The following KCNQ3 variants were observed in gnomAD, a reference collection of about 807,000 sequenced individuals.
KCNQ3 encodes the protein potassium voltage-gated channel subfamily Q member 3, also known as potassium voltage-gated channel subfamily KQT member 3.
Under a neutral mutation model 92.5 loss-of-function variants are expected in KCNQ3, and 30 were observed. The observed-to-expected ratio is 0.32, with a 90% CI of 0.24 to 0.44. The LOEUF (loss-of-function observed/expected upper bound fraction) is 0.44. KCNQ3 is among the 20% of genes least tolerant of loss of function. The pLI, the probability that KCNQ3 is intolerant of heterozygous loss-of-function variation, is 1.00. For missense variants in KCNQ3, 913 were observed against 1,140.3 expected (o/e 0.80, Z 2.87); for synonymous variants, 450 against 468.8 (o/e 0.96, Z 0.52).
At position 132,397,981 on chromosome 8, in the gene KCNQ3, T is replaced by C. The variant is rs181236581; in HGVS notation, c.386+82166A>G. Among the ~76,000 whole-genome samples, 26 of 152,326 alleles carry C rather than the reference T, an allele frequency of 1.7e-4. No homozygotes were observed. In the East Asian group the frequency reaches 5.0e-3, roughly 29 times the overall value. The stretch of plus-strand genomic sequence containing the variant: ...TCTAATTTATAAAATATTAACTCCC[T>C]GTGCAAAAGCATACACCTTTCTTTG... On this transcript the variant is annotated intron_variant, in intron 1 of 14. Transcript: ENST00000388996.
intron 1 of KCNQ3, among the ~76,000 whole-genome samples, chr8:132,363,919 T>C (rs1461668933): frequency 6.6e-6 from 1 of 151,912 alleles, no homozygotes; most frequent in African/African-American, 2.4e-5. Flanking sequence ...AAAACTACAA[T>C]CTCTCAACAA....
intron 1 of KCNQ3, among the ~76,000 whole-genome samples, chr8:132,351,960 C>T (rs1818880656): frequency 6.6e-6 from 1 of 152,196 alleles, no homozygotes. Context: ...GCACCCCTCT[C>T]AGCAGGGAAG....
At position 132,203,808 on chromosome 8, in the gene KCNQ3, G is replaced by C. The variant is rs142951751; in HGVS notation, c.387-17627C>G. Among the ~76,000 whole-genome samples, 228 of 152,262 alleles carry C rather than the reference G, an allele frequency of 1.5e-3. 2 individuals carry two copies. Among genetic ancestry groups the C allele is most frequent in the African/African-American group, 5.2e-3 (218 of 41,564 alleles). On this transcript the variant is annotated intron_variant, in intron 1 of 14. Coordinates refer to ENST00000388996, the MANE Select transcript of KCNQ3 (RefSeq NM_004519.4). The stretch of plus-strand genomic sequence containing the variant: ...TAGGGATAATAAAATGTTTAGTCTA[G>C]TGCTTGATAGATTTCAGGGATTATT...
chr8:132,183,875 C>G (rs759118893), intron 3 of KCNQ3, among the ~76,000 whole-genome samples: 26 of 152,228 alleles, frequency 1.7e-4, no homozygotes, highest in Non-Finnish European at 3.5e-4. Context: ...CCCAACCCGT[C>G]TGGAAATGTA....
intron 1 of KCNQ3, among the ~76,000 whole-genome samples, chr8:132,230,060 C>T (rs1814580792): frequency 6.6e-6 from 1 of 152,122 alleles, no homozygotes; most frequent in Non-Finnish European, 1.5e-5. Context: ...CCAGCTTTGT[C>T]AATAACTGTT....
At chr8:132,457,349 C>A (rs566539587) in intron 1 of KCNQ3, among the ~76,000 whole-genome samples, 1 of 152,178 alleles carries the variant, frequency 6.6e-6, no homozygotes, top group Non-Finnish European at 1.5e-5. Flanking sequence ...AGGTTTCTTG[C>A]CTAAGGTAAC....
At chr8:132,306,016 C>T (rs752501271) in intron 1 of KCNQ3, among the ~76,000 whole-genome samples, 2 of 152,100 alleles carry the variant, frequency 1.3e-5, no homozygotes, top group East Asian at 1.9e-4. Flanking sequence ...CTTAGACACA[C>T]GCATGACAGG....
At chr8:132,345,990 GGATGGTGATGATGACAATGATGAT>G (rs1818677438) in intron 1 of KCNQ3, among the ~76,000 whole-genome samples, 2 of 151,612 alleles carry the variant, frequency 1.3e-5, no homozygotes, top group South Asian at 4.2e-4. Context: ...TATTATGATG[GGATGGTGATGATGACAATGATGAT>G]GATGGTGATG....
intron 1 of KCNQ3, among the ~76,000 whole-genome samples, chr8:132,370,149 A>C (rs1819434785): frequency 6.6e-6 from 1 of 152,138 alleles, no homozygotes; most frequent in African/African-American, 2.4e-5. Flanking sequence ...CAGTTTGTCA[A>C]GTTCAAAGAG....
chr8:132,451,894 C>T (rs772493701), intron 1 of KCNQ3, among the ~76,000 whole-genome samples: 2 of 152,134 alleles, frequency 1.3e-5, no homozygotes, highest in South Asian at 2.1e-4. Flanking sequence ...TAGTTTCAAG[C>T]GGCCTCAACT....
chr8:132,464,918 G>C (rs2130861227), intron 1 of KCNQ3, among the ~76,000 whole-genome samples: 1 of 152,300 alleles, frequency 6.6e-6, no homozygotes, highest in South Asian at 2.1e-4. Flanking sequence ...TGGCCTCTGA[G>C]TGATCAGTCA....
At chr8:132,419,797 T>C (rs1013550355) in intron 1 of KCNQ3, among the ~76,000 whole-genome samples, 6 of 152,206 alleles carry the variant, frequency 3.9e-5, no homozygotes, top group African/African-American at 1.4e-4. Flanking sequence ...AACACAGATA[T>C]TCAGCATCAG....
rs1323529130 is a variant in KCNQ3 at position 132,189,330 on chromosome 8, C to G, written c.387-3149G>C. The stretch of plus-strand genomic sequence containing the variant: ...CAGAGCACCCTGATTCACTTCTACT[C>G]CAGCATGGACAACAACCCGTTATCA... On this transcript the variant is annotated intron_variant, in intron 1 of 14. Transcript: ENST00000388996. Among the ~76,000 whole-genome samples the G allele has an allele frequency of 4.6e-5, 7 of 152,202 alleles. 1 individual carries two copies. Among genetic ancestry groups the G allele is most frequent in the Admixed American group, 4.6e-4 (7 of 15,286 alleles).
chr8:132,341,092 A>G (rs1818514791), intron 1 of KCNQ3, among the ~76,000 whole-genome samples: 1 of 152,262 alleles, frequency 6.6e-6, no homozygotes, highest in Non-Finnish European at 1.5e-5. Context: ...GAGTATTTCC[A>G]TCATCAAAGA....
At chr8:132,362,240 C>T (rs548456050) in intron 1 of KCNQ3, among the ~76,000 whole-genome samples, 1 of 152,182 alleles carries the variant, frequency 6.6e-6, no homozygotes, top group African/African-American at 2.4e-5. Flanking sequence ...TTAAAAAAAA[C>T]TCAAAATGTA....
intron 1 of KCNQ3, among the ~76,000 whole-genome samples, chr8:132,465,180 T>G (rs1446781340): frequency 6.6e-6 from 1 of 152,188 alleles, no homozygotes; most frequent in African/African-American, 2.4e-5. Flanking sequence ...ATCCTGCCAT[T>G]TTCTCCACAA....
chr8:132,479,778 T>C (rs531623160), intron 1 of KCNQ3, among the ~76,000 whole-genome samples: 2 of 151,992 alleles, frequency 1.3e-5, no homozygotes, highest in African/African-American at 2.4e-5. Flanking sequence ...CTTTATCCTC[T>C]TCAACCCTCA....
rs145857636 is a variant in KCNQ3, at chr8:132,344,403, C to A, written c.386+135744G>T. Among the ~76,000 whole-genome samples, 714 of 152,324 alleles carry A rather than the reference C, an allele frequency of 4.7e-3. 2 individuals carry two copies. The highest frequency in any genetic ancestry group is 0.01 in the Middle Eastern group (3 of 294). On this transcript the variant is annotated intron_variant, in intron 1 of 14. Transcript: ENST00000388996. Reference sequence around the variant, plus strand: ...TTGAGGAAACTGCACACCTTCCTTCCCCTTTGCCTCCACTTATTAGACCTG... The same window carrying A: ...TTGAGGAAACTGCACACCTTCCTTCACCTTTGCCTCCACTTATTAGACCTG...
chr8:132,475,920 G>A (rs774957040), intron 1 of KCNQ3, among the ~76,000 whole-genome samples: 1 of 152,210 alleles, frequency 6.6e-6, no homozygotes, highest in Non-Finnish European at 1.5e-5. Flanking sequence ...GAGGCCTAGG[G>A]GGGAAAAATG....
Sources: allele counts gnomAD v4.1 joint callset (sites outside exome capture counted in the v4.1 genomes callset), GRCh38; gene constraint gnomAD v4.1.1; transcripts MANE v1.5; gene names NCBI Gene and HGNC (gene_info 2026-07-23, HGNC 2026-07-21).